Variants in APBB1 observed in about 807,000 individuals in gnomAD.
APBB1 encodes the protein adaptor protein FE65a2.
A neutral mutation model predicts 78.4 loss-of-function variants in APBB1; 22 were observed. That is an observed-to-expected ratio of 0.28 (90% CI 0.20 to 0.40). APBB1 has a LOEUF of 0.40. APBB1 is among the 10% of genes least tolerant of loss of function. The pLI is 1.00. For synonymous variants in APBB1, 369 were observed against 372.7 expected (o/e 0.99, Z 0.12); for missense variants, 749 against 932.4 (o/e 0.80, Z 2.56).
chr11:6,417,732 G>A (rs1177910088), intron 1 of APBB1, among the ~76,000 whole-genome samples: 2 of 152,256 alleles, frequency 1.3e-5, no homozygotes, highest in African/African-American at 4.8e-5. Flanking sequence ...TTAGGCAGTG[G>A]ATGTGACAGA....
intron 12 of APBB1, chr11:6,396,443 G>A (rs562958593): frequency 5.2e-5 from 26 of 503,976 alleles, no homozygotes; most frequent in South Asian, 3.7e-4. Flanking sequence ...TCCTAGGCTC[G>A]TTATTTTCAC....
chr11:6,418,990 C>T lies in APBB1; in HGVS notation c.-20G>A. 1 of 392,668 alleles carries T rather than the reference C, an allele frequency of 2.5e-6. No individual in the cohort carries two copies. Among genetic ancestry groups the T allele is most frequent in the South Asian group, 1.3e-4 (1 of 7,810 alleles). The allele number at this position is 392,668 out of a possible 1,614,324, so 24.3% of individuals were successfully genotyped here. A position where few individuals can be genotyped will look rare whatever the true frequency, so the allele number is the denominator to read the frequency against. On this transcript the variant is annotated 5_prime_UTR_variant, in exon 1 of 15. Transcript: ENST00000609360. ...GGGGCAGGGACACCTCCTACCTGCG[C>T]GGTGAGGCCCCGGGCCCAGATGACG...
At chr11:6,414,634 C>T (rs914196501) in intron 1 of APBB1, among the ~76,000 whole-genome samples, 1 of 152,020 alleles carries the variant, frequency 6.6e-6, no homozygotes, top group Non-Finnish European at 1.5e-5. Flanking sequence ...TCAGAGAATG[C>T]CAAAGGGTCC....
intron 12 of APBB1, among the ~76,000 whole-genome samples, chr11:6,397,100 G>A (rs1848271820): frequency 6.6e-6 from 1 of 152,180 alleles, no homozygotes; most frequent in Non-Finnish European, 1.5e-5. Flanking sequence ...ACATGTTGTG[G>A]CAAAGGCATC....
chr11:6,402,241 C>T (rs77140502), intron 7 of APBB1, 32 bp from the exon 8 acceptor site: 1 of 1,609,788 alleles, frequency 6.2e-7, no homozygotes, highest in Non-Finnish European at 8.5e-7. Flanking sequence ...CTCAGTGGGA[C>T]TCCAGCCAGG....
intron 12 of APBB1, among the ~76,000 whole-genome samples, chr11:6,398,327 T>C (rs1032070291): frequency 6.6e-6 from 1 of 152,216 alleles, no homozygotes; most frequent in African/African-American, 2.4e-5. Context: ...AGCAGGGATC[T>C]TTGTCAGTTT....
chr11:6,417,013 G>A (rs1849135865), intron 1 of APBB1, among the ~76,000 whole-genome samples: 1 of 152,184 alleles, frequency 6.6e-6, no homozygotes, highest in African/African-American at 2.4e-5. Flanking sequence ...TAAAGTGCTG[G>A]GATTACAGGC....
intron 7 of APBB1, 66 bp from the exon 8 acceptor site, chr11:6,402,275 G>T: frequency 1.3e-6 from 2 of 1,588,836 alleles, no homozygotes. Context: ...TCTGACCCCT[G>T]CAGCTCAGGG....
Position 6,410,837 on chromosome 11 carries a change from C to CCT in APBB1, c.509_510dup (p.Glu171ArgfsTer91). The CCT allele has an allele frequency of 6.2e-7, 1 of 1,613,860 alleles. No homozygotes were observed. The highest frequency in any genetic ancestry group is 8.5e-7 in the Non-Finnish European group (1 of 1,179,892). ...AGCCCTGGGGGAGAAGATAAGTCCT[C>CCT]CTCCTCCTCTTCATCATCATCATCC... is the stretch of plus-strand genomic sequence containing the variant. On this transcript the variant is annotated frameshift_variant, in exon 2 of 15. Transcript: ENST00000609360. LOFTEE classifies it high-confidence loss of function.
Position 6,401,306 on chromosome 11 carries a change from A to G in APBB1, c.1588+39T>C, listed in dbSNP as rs755382444. 7 of 1,614,110 alleles carry G rather than the reference A, an allele frequency of 4.3e-6. No homozygotes were observed. The highest frequency in any genetic ancestry group is 1.3e-5 in the African/African-American group (1 of 75,020). ...TTCCTTGGGTCACCCACCTTTGCCA[A>G]CAAAGCTGAGCTGGACCTGGAGGGG... On this transcript the variant is annotated intron_variant, in intron 11 of 14. Coordinates refer to ENST00000609360, the MANE Select transcript of APBB1 (RefSeq NM_001164.5). This position sits in a 1 kb window ranked among gnomAD's most constrained non-coding sequence, Gnocchi z 4.5.
intron 2 of APBB1, chr11:6,404,557 C>T: frequency 6.5e-7 from 1 of 1,530,832 alleles, no homozygotes. Flanking sequence ...ACTTCCTGAC[C>T]CTTGCTGCAC....
At position 6,403,443 on chromosome 11, in the gene APBB1, C is replaced by A. The variant is rs1251450645; in HGVS notation, c.955-39G>T. ...TTGAGGAATCAGTATCAAAATGATG[C>A]CCCTCCTCCAGCTATCCCGTGGTAA... On this transcript the variant is annotated intron_variant, in intron 4 of 14. Coordinates refer to ENST00000609360, the MANE Select transcript of APBB1 (RefSeq NM_001164.5). The surrounding 1 kb of genome is among the most constrained non-coding windows in gnomAD (Gnocchi z 5.3). 6.2e-7 allele frequency: 1 copy of A among 1,614,016 alleles called. No homozygotes were observed. The highest frequency in any genetic ancestry group is 2.2e-5 in the East Asian group (1 of 44,876).
At chr11:6,400,520 G>A (rs951653081) in intron 12 of APBB1, among the ~76,000 whole-genome samples, 4 of 149,710 alleles carry the variant, frequency 2.7e-5, no homozygotes, top group East Asian at 2.0e-4. Flanking sequence ...CCAGCCTGGC[G>A]GACAGAGCGA....
intron 1 of APBB1, among the ~76,000 whole-genome samples, chr11:6,417,286 C>T (rs753643603): frequency 3.3e-5 from 5 of 152,194 alleles, no homozygotes; most frequent in African/African-American, 7.2e-5. Flanking sequence ...TTAGTTCAAA[C>T]GTCATGTTCT....
chr11:6,410,921 C>G lies in APBB1; in HGVS notation c.427G>C (p.Glu143Gln). ...RGPGLIISTQ[E>Q]QGPDEGEEKA... is the part of the protein sequence containing the mutation. ...TCCTCTCCCTCATCTGGCCCCTGCT[C>G]TTGAGTGCTGATGATCAGGCCAGGT... is the stretch of plus-strand genomic sequence containing the variant. The change falls in exon 2 of 15, where the codon GAG becomes CAG. Residue 143 changes from glutamate to glutamine, a missense_variant. Physicochemically the swap from Glu to Gln is conservative, Grantham distance 29. Transcript: ENST00000609360. 1 of 1,614,212 alleles carries G rather than the reference C, an allele frequency of 6.2e-7. No individual in the cohort carries two copies. Among genetic ancestry groups the G allele is most frequent in the Non-Finnish European group, 8.5e-7 (1 of 1,180,046 alleles).
Position 6,400,972 on chromosome 11 carries a change from T to A in APBB1, c.1672+17A>T, listed in dbSNP as rs370385427. The A allele has an allele frequency of 2.5e-6, 4 of 1,611,658 alleles. No individual in the cohort carries two copies. The African/African-American group carries it at 4.0e-5, about 16-fold the overall frequency. On this transcript the variant is annotated intron_variant, in intron 12 of 14. Transcript: ENST00000609360. ...GGATCAAGGTAGCAGCCCCTGGGTA[T>A]AGAAGGACACACATACCAACAGGTT...
At position 6,411,258 on chromosome 11, in the gene APBB1, A is replaced by T; in HGVS notation, c.90T>A (p.Ala30=). The stretch of plus-strand genomic sequence containing the variant: ...TGGCGTTGAGCAGCTGGTTGTGGGC[A>T]GCGTGCAGAGGCAGGGGTAGGCTCA... ...PALSLPLPLH[A]AHNQLLNAKL... is the part of the protein sequence containing the mutation. The change falls in exon 2 of 15, where the codon GCT becomes GCA. Residue 30 remains alanine (A), a synonymous_variant. Transcript: ENST00000609360. This position sits in a 1 kb window ranked among gnomAD's most constrained non-coding sequence, Gnocchi z 5.2. The T allele has an allele frequency of 6.2e-7, 1 of 1,606,430 alleles. No homozygotes were observed.
intron 6 of APBB1, 181 bp from the exon 7 acceptor site, chr11:6,402,906 A>G (rs763053134): frequency 4.8e-6 from 4 of 831,666 alleles, no homozygotes; most frequent in Non-Finnish European, 7.4e-6. Flanking sequence ...ATGAGACCCC[A>G]GCTAGTACAA....
chr11:6,401,173 C>G lies in APBB1; in HGVS notation c.1589-101G>C, dbSNP rs373110526. 2.0e-5 allele frequency: 32 copies of G among 1,612,714 alleles called. 1 individual carries two copies. In the African/African-American group the frequency reaches 2.3e-4, roughly 11 times the overall value. On this transcript the variant is annotated intron_variant, in intron 11 of 14. Coordinates refer to ENST00000609360, the MANE Select transcript of APBB1 (RefSeq NM_001164.5). This position sits in a 1 kb window ranked among gnomAD's most constrained non-coding sequence, Gnocchi z 4.5. ...GGACACTTGCCCAGCCGAGGCCCTA[C>G]TTTCATCTCGTCCCCTGCCTCCCTT...
Sources: allele counts gnomAD v4.1 joint callset (sites outside exome capture counted in the v4.1 genomes callset), GRCh38; gene constraint gnomAD v4.1.1; non-coding constraint Gnocchi (gnomAD v3.1); transcripts MANE v1.5; gene names NCBI Gene and HGNC (gene_info 2026-07-23, HGNC 2026-07-21).